Variants in JAKMIP3 observed in about 807,000 individuals in gnomAD.
JAKMIP3 encodes the protein janus kinase and microtubule-interacting protein 3.
A neutral mutation model predicts 118.5 loss-of-function variants in JAKMIP3; 58 were observed. The ratio of observed to expected loss-of-function variants is 0.49; its 90% CI spans 0.40 to 0.61. The LOEUF is 0.61. Among genes scored for constraint, JAKMIP3 ranks in the 20% least tolerant of loss-of-function variants. The pLI, the probability that JAKMIP3 is intolerant of heterozygous loss-of-function variation, is 0.00. For synonymous variants in JAKMIP3, 486 were observed against 451.2 expected, an observed-to-expected ratio of 1.08 and a Z score of -0.98; for missense variants, 950 against 1,109.0, an observed-to-expected ratio of 0.86 and a Z score of 2.04.
At position 132,086,342 on chromosome 10, in the gene JAKMIP3, G is replaced by T. The variant is rs549695094; in HGVS notation, c.-137-18330G>T. 6.6e-5 allele frequency among the ~76,000 whole-genome samples: 10 copies of T among 152,198 alleles called. No individual in the cohort carries two copies. In the South Asian group the frequency reaches 1.2e-3, roughly 19 times the overall value. On this transcript the variant is annotated intron_variant, in intron 1 of 23. Coordinates refer to ENST00000684848, the MANE Select transcript of JAKMIP3 (RefSeq NM_001323087.2). ...AATAGAATATATTCTGCAGTCGTTG[G>T]GTAGAATGTTCTGTAAATATCCATT...
At chr10:132,100,601 G>A (rs141232722) in intron 1 of JAKMIP3, among the ~76,000 whole-genome samples, 116 of 147,438 alleles carry the variant, frequency 7.9e-4, no homozygotes, top group African/African-American at 2.6e-3. Flanking sequence ...GGGCCGGAGC[G>A]CAGGCCACGC....
intron 1 of JAKMIP3, among the ~76,000 whole-genome samples, chr10:132,076,209 C>T (rs1253197915): frequency 6.6e-6 from 1 of 152,188 alleles, no homozygotes; most frequent in Non-Finnish European, 1.5e-5. Flanking sequence ...TCCCTTCTTC[C>T]TCTGTAAATT....
chr10:132,060,306 G>T (rs2038355445), upstream of JAKMIP3, among the ~76,000 whole-genome samples: 1 of 152,266 alleles, frequency 6.6e-6, no homozygotes, highest in East Asian at 1.9e-4. Context: ...ATGAGATGGG[G>T]GCCAGGCAGG....
At chr10:132,141,808 A>G (rs1225054401) in intron 10 of JAKMIP3, 112 bp from the exon 11 acceptor site, 4 of 1,251,978 alleles carry the variant, frequency 3.2e-6, no homozygotes, top group South Asian at 1.5e-5. Flanking sequence ...AGACCCCCCC[A>G]TACACCATTT....
Position 132,125,004 on chromosome 10 carries a change from G to A in JAKMIP3, c.633+7430G>A, listed in dbSNP as rs550796959. On this transcript the variant is annotated intron_variant, in intron 3 of 23. Transcript: ENST00000684848. Reference sequence around the variant, plus strand: ...AAGCCAGAGTATTCACCTTCTCCCCGTTGATGGCTTCTCTCAGTTTGTGGC... The same window carrying A: ...AAGCCAGAGTATTCACCTTCTCCCCATTGATGGCTTCTCTCAGTTTGTGGC... 4.3e-4 allele frequency among the ~76,000 whole-genome samples: 66 copies of A among 152,292 alleles called. No homozygotes were observed. In the South Asian group the frequency reaches 6.2e-3, roughly 14 times the overall value.
intron 19 of JAKMIP3, among the ~76,000 whole-genome samples, chr10:132,157,200 GTTCTC>G (rs988167255): frequency 5.9e-5 from 9 of 152,152 alleles, no homozygotes; most frequent in Non-Finnish European, 1.3e-4. Flanking sequence ...CCACTTGCTG[GTTCTC>G]TTCTCCTTCT....
intron 9 of JAKMIP3, among the ~76,000 whole-genome samples, 154 bp downstream of exon 9, chr10:132,138,332 G>A (rs1589913398): frequency 6.9e-6 from 1 of 145,216 alleles, no homozygotes; most frequent in Non-Finnish European, 1.5e-5. Context: ...CCGCGCCCAC[G>A]TGTGTGGAGA....
Position 132,182,943 on chromosome 10 carries a change from G to A in JAKMIP3, c.*1690G>A, listed in dbSNP as rs944023996. 1 of 152,156 alleles carries A rather than the reference G, an allele frequency of 6.6e-6. No individual in the cohort carries two copies. The highest frequency in any genetic ancestry group is 2.4e-5 in the African/African-American group (1 of 41,438). The allele number at this position is 152,156 out of a possible 1,614,324, so 9.4% of individuals were successfully genotyped here. ...TATTAATCAGCACTTGTCCAAGAAA[G>A]ACCCATCCATTTCTGTTGTCATTCA... is the stretch of plus-strand genomic sequence containing the variant. On this transcript the variant is annotated 3_prime_UTR_variant, in exon 24 of 24. Transcript: ENST00000684848.
At chr10:132,123,369 A>G (rs901507012) in intron 3 of JAKMIP3, among the ~76,000 whole-genome samples, 4 of 152,212 alleles carry the variant, frequency 2.6e-5, no homozygotes, top group African/African-American at 7.2e-5. Context: ...CTCTAAATCC[A>G]AAGAATTAGA....
At chr10:132,153,141 C>T (rs1277748759) in intron 17 of JAKMIP3, 118 bp downstream of exon 17, 3 of 754,898 alleles carry the variant, frequency 4.0e-6, no homozygotes, top group South Asian at 1.6e-5. Context: ...TTGGGGGGTC[C>T]ACTAAGCCCC....
upstream of JAKMIP3, among the ~76,000 whole-genome samples, chr10:132,064,197 C>T (rs868377257): frequency 3.3e-5 from 5 of 152,304 alleles, no homozygotes; most frequent in South Asian, 4.1e-4. The surrounding 1 kb of genome is among the most constrained non-coding windows in gnomAD (Gnocchi z 4.4). Flanking sequence ...ACAACACTGC[C>T]GTAAGCATCC....
At position 132,184,686 on chromosome 10, in the gene JAKMIP3, T is replaced by A. The variant is rs2061711193; in HGVS notation, c.*3433T>A. 6.6e-6 allele frequency: 1 copy of A among 152,226 alleles called. No homozygotes were observed. Among genetic ancestry groups the A allele is most frequent in the South Asian group, 2.1e-4 (1 of 4,834 alleles). 9.4% of individuals were successfully genotyped at this position (152,226 alleles called of 1,614,324 possible). The stretch of plus-strand genomic sequence containing the variant: ...AGTATTCACAGGCCTAAAATAGGTT[T>A]GTATGGTGATCTACAAGATTTTACA... On this transcript the variant is annotated 3_prime_UTR_variant, in exon 24 of 24. Coordinates refer to ENST00000684848, the MANE Select transcript of JAKMIP3 (RefSeq NM_001323087.2).
chr10:132,105,597 G>T (rs2045783442), intron 2 of JAKMIP3, among the ~76,000 whole-genome samples: 1 of 152,182 alleles, frequency 6.6e-6, no homozygotes, highest in Non-Finnish European at 1.5e-5. Context: ...AAGCCCTGGG[G>T]TGGGCTACCC....
At chr10:132,047,107 G>T (rs1312202143) in intron 1 of JAKMIP3, among the ~76,000 whole-genome samples, 2 of 152,134 alleles carry the variant, frequency 1.3e-5, no homozygotes, top group African/African-American at 4.8e-5. Context: ...GGCTAGTCTT[G>T]AACTCCTGGC....
intron 1 of JAKMIP3, among the ~76,000 whole-genome samples, chr10:132,092,093 C>T (rs562178363): frequency 6.6e-6 from 1 of 152,018 alleles, no homozygotes; most frequent in Non-Finnish European, 1.5e-5. Context: ...TGAATACTGG[C>T]CCCCACTCTC....
Position 132,112,578 on chromosome 10 carries a change from TCA to T in JAKMIP3, c.136-4496_136-4495del, listed in dbSNP as rs939333920. ...TACAAAGTCCCGCTTGGCTCTGTGT[TCA>T]CAGAGATTTATGTGAATGTCTTGCA... is the stretch of plus-strand genomic sequence containing the variant. On this transcript the variant is annotated intron_variant, in intron 2 of 23. Coordinates refer to ENST00000684848, the MANE Select transcript of JAKMIP3 (RefSeq NM_001323087.2). The surrounding 1 kb of genome is among the most constrained non-coding windows in gnomAD (Gnocchi z 4.3). Among the ~76,000 whole-genome samples, 4 of 152,362 alleles carry T rather than the reference TCA, an allele frequency of 2.6e-5. No individual in the cohort carries two copies. Among genetic ancestry groups the T allele is most frequent in the Admixed American group, 6.5e-5 (1 of 15,308 alleles).
At chr10:132,057,111 C>T (rs1055528502) in intron 1 of JAKMIP3, among the ~76,000 whole-genome samples, 9 of 152,074 alleles carry the variant, frequency 5.9e-5, no homozygotes, top group East Asian at 1.9e-4. Flanking sequence ...GGAAGGACTC[C>T]GGGGAAAGGA....
chr10:132,114,082 T>A (rs368941404), intron 2 of JAKMIP3, among the ~76,000 whole-genome samples: 1 of 152,374 alleles, frequency 6.6e-6, no homozygotes, highest in East Asian at 1.9e-4. Context: ...GGAGACTGTG[T>A]CTAGACTAGT....
chr10:132,036,370 C>G (rs1009476512), upstream of JAKMIP3, among the ~76,000 whole-genome samples: 1 of 152,240 alleles, frequency 6.6e-6, no homozygotes, highest in Admixed American at 6.5e-5. Context: ...TGCAGCTCCC[C>G]CGTGCTGCGC....
Sources: gnomAD v4.1 joint callset for allele counts (sites outside exome capture counted in the v4.1 genomes callset) on GRCh38, gnomAD v4.1.1 for gene constraint, Gnocchi (gnomAD v3.1) non-coding constraint, MANE v1.5 for transcripts, NCBI Gene and HGNC (gene_info 2026-07-23, HGNC 2026-07-21) for gene names.